Variants in SPI1 observed in about 807,000 individuals in gnomAD.
The protein encoded by SPI1 is transcription factor PU.1.
SPI1 carries 3 observed loss-of-function variants against 30.7 expected under a neutral mutation model. That is an observed-to-expected ratio of 0.10 (90% CI 0.04 to 0.25). The LOEUF (loss-of-function observed/expected upper bound fraction) is 0.25, where lower values mean the gene tolerates loss of function less well. SPI1 is among the 10% of genes least tolerant of loss of function. SPI1 has a pLI of 1.00. For synonymous variants in SPI1, 169 were observed against 157.1 expected, an observed-to-expected ratio of 1.08 and a Z score of -0.56; for missense variants, 261 against 371.5, an observed-to-expected ratio of 0.70 and a Z score of 2.45.
chr11:47,356,496 TCA>T (rs1393172165), intron 4 of SPI1, among the ~76,000 whole-genome samples: 5 of 134,346 alleles, frequency 3.7e-5, no homozygotes, highest in African/African-American at 1.5e-4. Flanking sequence ...ATGCACCTTC[TCA>T]CACTCATATG....
At chr11:47,367,747 A>ATT in intron 2 of SPI1, among the ~76,000 whole-genome samples, 1 of 135,552 alleles carries the variant, frequency 7.4e-6, no homozygotes, top group South Asian at 2.5e-4. Context: ...ATGATGGTTA[A>ATT]ATTTTTTTTT....
intron 2 of SPI1, 46 bp from the exon 3 acceptor site, chr11:47,360,086 A>T: frequency 7.6e-4 from 1,038 of 1,366,408 alleles, no homozygotes; most frequent in Non-Finnish European, 9.6e-4. Flanking sequence ...AGGGTTGGGC[A>T]GGGCAGGAAA....
Position 47,359,080 on chromosome 11 carries a change from G to C in SPI1, c.331-74C>G. On this transcript the variant is annotated intron_variant, in intron 3 of 4. Transcript: ENST00000378538. This position sits in a 1 kb window ranked among gnomAD's most constrained non-coding sequence, Gnocchi z 5.1. ...CTCAGGGGGGCTGGGAGGGAGGTCA[G>C]CTGGGGAGAGAAGGAGTGCAGAGGG... 7.1e-7 allele frequency: 1 copy of C among 1,401,520 alleles called. No homozygotes were observed. 86.8% of individuals were successfully genotyped at this position (1,401,520 alleles called of 1,614,324 possible).
intron 2 of SPI1, among the ~76,000 whole-genome samples, chr11:47,366,853 A>AAAAGAAAAGAAAAGAAAAGC (rs2095929021): frequency 2.7e-5 from 4 of 148,262 alleles, no homozygotes; most frequent in Non-Finnish European, 4.5e-5. Flanking sequence ...AAAAGAAAAG[A>AAAAGAAAAGAAAAGAAAAGC]AACAGGCTCA....
chr11:47,356,206 C>T (rs1459366128), intron 4 of SPI1, among the ~76,000 whole-genome samples: 2 of 151,378 alleles, frequency 1.3e-5, no homozygotes, highest in Non-Finnish European at 3.0e-5. Flanking sequence ...CCAGCTCACA[C>T]TCACACACAT....
intron 2 of SPI1, among the ~76,000 whole-genome samples, chr11:47,373,546 G>A (rs1439343489): frequency 6.6e-6 from 1 of 151,680 alleles, no homozygotes; most frequent in Admixed American, 6.6e-5. Context: ...TACTTGGGAT[G>A]TTGAGGCAAG....
Position 47,358,538 on chromosome 11 carries a change from C to T in SPI1, c.493+306G>A, listed in dbSNP as rs2095915579. 7.2e-6 allele frequency: 5 copies of T among 690,270 alleles called. No individual in the cohort carries two copies. The South Asian group carries it at 7.5e-5, about 10-fold the overall frequency. 42.8% of individuals were successfully genotyped at this position (690,270 alleles called of 1,614,324 possible). On this transcript the variant is annotated intron_variant, in intron 4 of 4. Transcript: ENST00000378538. The stretch of plus-strand genomic sequence containing the variant: ...CAGCCACTCGCACACATGCACCTGC[C>T]CGTACCTGTGCACACGCACCCTCTG...
Position 47,375,559 on chromosome 11 carries a change from T to C in SPI1, c.142+74A>G, listed in dbSNP as rs1032196854. The C allele has an allele frequency of 4.3e-6, 5 of 1,175,236 alleles. No individual in the cohort carries two copies. Among genetic ancestry groups the C allele is most frequent in the Non-Finnish European group, 6.3e-6 (5 of 790,470 alleles). 72.8% of individuals were successfully genotyped at this position (1,175,236 alleles called of 1,614,324 possible). A position where few individuals can be genotyped will look rare whatever the true frequency, so the allele number is the denominator to read the frequency against. ...CCAAAGAAGTCCTGGGAATCATTTATTCTTTTTCTCTCTCCAGACCCCAGG... is the reference window on the plus strand; with the variant it reads ...CCAAAGAAGTCCTGGGAATCATTTACTCTTTTTCTCTCTCCAGACCCCAGG... On this transcript the variant is annotated intron_variant, in intron 2 of 4. Coordinates refer to ENST00000378538, the MANE Select transcript of SPI1 (RefSeq NM_003120.3). This position sits in a 1 kb window ranked among gnomAD's most constrained non-coding sequence, Gnocchi z 4.2.
At chr11:47,361,939 T>C (rs1394305879) in intron 2 of SPI1, among the ~76,000 whole-genome samples, 1 of 152,194 alleles carries the variant, frequency 6.6e-6, no homozygotes, top group Non-Finnish European at 1.5e-5. Context: ...AGGCCTTGTC[T>C]ACATGTATAA....
Position 47,354,924 on chromosome 11 carries a change from A to C in SPI1, c.*303T>G. Reference sequence around the variant, plus strand: ...TAATGGGTGGGAGGGGTGAGAGGGGAGATCTGATTTACATACGGACTTGAG... The same window carrying C: ...TAATGGGTGGGAGGGGTGAGAGGGGCGATCTGATTTACATACGGACTTGAG... On this transcript the variant is annotated 3_prime_UTR_variant, in exon 5 of 5. Coordinates refer to ENST00000378538, the MANE Select transcript of SPI1 (RefSeq NM_003120.3). The C allele has an allele frequency of 3.6e-6, 1 of 277,810 alleles. No homozygotes were observed. 17.2% of individuals were successfully genotyped at this position (277,810 alleles called of 1,614,324 possible).
chr11:47,376,673 GTCC>G (rs2095942833), intron 1 of SPI1, among the ~76,000 whole-genome samples: 1 of 146,996 alleles, frequency 6.8e-6, no homozygotes, highest in Non-Finnish European at 1.5e-5. Flanking sequence ...CCTCCTCCCT[GTCC>G]TCCTCCCCCT....
chr11:47,360,051 C>T lies in SPI1; in HGVS notation c.143-11G>A. ...AGTCCCAGTAATGGTCTGTGGGGGACAGCCAGGCAGTATGGGGTGAGCTCA... is the reference window on the plus strand; with the variant it reads ...AGTCCCAGTAATGGTCTGTGGGGGATAGCCAGGCAGTATGGGGTGAGCTCA... On this transcript the variant is annotated splice_polypyrimidine_tract_variant and intron_variant, in intron 2 of 4. Coordinates refer to ENST00000378538, the MANE Select transcript of SPI1 (RefSeq NM_003120.3). The T allele has an allele frequency of 6.5e-7, 1 of 1,540,768 alleles. No individual in the cohort carries two copies. Among genetic ancestry groups the T allele is most frequent in the Non-Finnish European group, 8.8e-7 (1 of 1,140,442 alleles).
intron 2 of SPI1, among the ~76,000 whole-genome samples, chr11:47,368,759 T>C (rs1233817270): frequency 6.6e-6 from 1 of 152,024 alleles, no homozygotes; most frequent in Admixed American, 6.6e-5. Context: ...TGCCAGAGGC[T>C]GGGGGGAGGG....
chr11:47,355,562 C>T lies in SPI1; in HGVS notation c.494-16G>A. ...TTCTTGCTGCCTGCGGGGGGGAGGG[C>T]CCGGTGGGAGGGGGCCCGGGGCCCA... On this transcript the variant is annotated splice_polypyrimidine_tract_variant and intron_variant, in intron 4 of 4. Coordinates refer to ENST00000378538, the MANE Select transcript of SPI1 (RefSeq NM_003120.3). 1.3e-6 allele frequency: 2 copies of T among 1,552,000 alleles called. No homozygotes were observed. Among genetic ancestry groups the T allele is most frequent in the Non-Finnish European group, 1.7e-6 (2 of 1,147,146 alleles).
intron 2 of SPI1, among the ~76,000 whole-genome samples, chr11:47,373,376 G>T (rs1406766220): frequency 6.7e-6 from 1 of 149,634 alleles, no homozygotes; most frequent in South Asian, 2.1e-4. Flanking sequence ...GACTGGGCGC[G>T]GTGGTTCACA....
Position 47,375,995 on chromosome 11 carries a change from G to A in SPI1, c.46-266C>T, listed in dbSNP as rs2095941827. 6.6e-6 allele frequency among the ~76,000 whole-genome samples: 1 copy of A among 151,678 alleles called. No homozygotes were observed. The highest frequency in any genetic ancestry group is 2.1e-4 in the South Asian group (1 of 4,810). On this transcript the variant is annotated intron_variant, in intron 1 of 4. Transcript: ENST00000378538. This position sits in a 1 kb window ranked among gnomAD's most constrained non-coding sequence, Gnocchi z 4.2. ...GGGCTACTCCCCATAGCCACCTCACGCTCACACTCACACTCACGCCTGTGT... is the reference window on the plus strand; with the variant it reads ...GGGCTACTCCCCATAGCCACCTCACACTCACACTCACACTCACGCCTGTGT...
intron 2 of SPI1, among the ~76,000 whole-genome samples, chr11:47,367,211 T>G (rs2095929575): frequency 1.3e-5 from 2 of 152,038 alleles, no homozygotes; most frequent in Admixed American, 1.3e-4. Flanking sequence ...GATAGATGGA[T>G]GGATGGATGG....
rs1245142770 is a variant in SPI1 at position 47,358,869 on chromosome 11, C to T, written c.468G>A (p.Gly156=). 7.1e-6 allele frequency: 11 copies of T among 1,550,830 alleles called. No homozygotes were observed. The highest frequency in any genetic ancestry group is 9.6e-6 in the Non-Finnish European group (11 of 1,146,438). Residue 156 remains glycine (G), a synonymous_variant, in exon 4 of 5, where the codon GGG becomes GGA. Coordinates refer to ENST00000378538, the MANE Select transcript of SPI1 (RefSeq NM_003120.3). ...CTGTCTCCCCAGGCAGGAGCCCAGG[C>T]CCGGGCTCCAGGCCATCCGCCTCGC... ...SDGEADGLEP[G]PGLLPGETGS...
chr11:47,358,713 ACT>A lies in SPI1; in HGVS notation c.493+129_493+130del, dbSNP rs2095915993. 6.5e-6 allele frequency: 6 copies of A among 925,544 alleles called. No individual in the cohort carries two copies. The South Asian group carries it at 8.3e-5, about 13-fold the overall frequency. The allele number at this position is 925,544 out of a possible 1,614,324, so 57.3% of individuals were successfully genotyped here. Reference sequence around the variant, plus strand: ...ACAGACAGCCCCACAAAACACACACACTGGCAAACATGCACACACACACACAC... The same window carrying A: ...ACAGACAGCCCCACAAAACACACACAGGCAAACATGCACACACACACACAC... On this transcript the variant is annotated intron_variant, in intron 4 of 4. Coordinates refer to ENST00000378538, the MANE Select transcript of SPI1 (RefSeq NM_003120.3).
Sources: gnomAD v4.1 joint callset for allele counts (sites outside exome capture counted in the v4.1 genomes callset) on GRCh38, gnomAD v4.1.1 for gene constraint, Gnocchi (gnomAD v3.1) non-coding constraint, MANE v1.5 for transcripts, NCBI Gene and HGNC (gene_info 2026-07-23, HGNC 2026-07-21) for gene names.